LRP1B: variants seen among roughly 807,000 people sequenced by gnomAD.
LRP1B encodes low-density lipoprotein receptor-related protein 1B.
LRP1B carries 217 observed loss-of-function variants against 556.6 expected under a neutral mutation model. The observed-to-expected ratio is 0.39, with a 90% CI of 0.35 to 0.44. LRP1B has a LOEUF of 0.44. LRP1B is among the 20% of genes least tolerant of loss of function. LRP1B has a pLI of 1.00. For synonymous variants in LRP1B, 2,047 were observed against 1,865.8 expected, an observed-to-expected ratio of 1.10 and a Z score of -2.50; for missense variants, 5,053 against 5,620.8, an observed-to-expected ratio of 0.90 and a Z score of 3.23.
At chr2:141,796,578 CTTTT>C (rs75317117) in intron 2 of LRP1B, among the ~76,000 whole-genome samples, 5 of 127,570 alleles carry the variant, frequency 3.9e-5, no homozygotes, top group East Asian at 4.7e-4. Context: ...GCATTTTATT[CTTTT>C]TTTTTTTTTT....
chr2:141,595,437 A>G (rs1278935315), intron 2 of LRP1B, among the ~76,000 whole-genome samples: 1 of 152,132 alleles, frequency 6.6e-6, no homozygotes, highest in Non-Finnish European at 1.5e-5. Flanking sequence ...AGCCTCTTAT[A>G]TCAGACATTT....
intron 5 of LRP1B, among the ~76,000 whole-genome samples, chr2:141,231,286 C>A (rs1237264598): frequency 6.6e-6 from 1 of 152,196 alleles, no homozygotes; most frequent in African/African-American, 2.4e-5. Context: ...ATATCAGGCA[C>A]CTGTGTTTGT....
intron 2 of LRP1B, among the ~76,000 whole-genome samples, chr2:141,560,932 A>T (rs1686126798): frequency 6.6e-6 from 1 of 151,550 alleles, no homozygotes; most frequent in Non-Finnish European, 1.5e-5. Flanking sequence ...CAAGATTCCT[A>T]TTTACTTTTC....
At chr2:140,675,361 C>T (rs1335380066) in intron 41 of LRP1B, among the ~76,000 whole-genome samples, 1 of 152,104 alleles carries the variant, frequency 6.6e-6, no homozygotes, top group Non-Finnish European at 1.5e-5. Flanking sequence ...ACCCATTTGC[C>T]AAACATGCAT....
rs567680123 is a variant in LRP1B at position 141,861,077 on chromosome 2, A to C, written c.83-50676T>G. ...AATGTATACGATAAATTTTAAAATA[A>C]ATTTTTACTTTTAAAGTTCTAGAGT... On this transcript the variant is annotated intron_variant, in intron 1 of 90. Coordinates refer to ENST00000389484, the MANE Select transcript of LRP1B (RefSeq NM_018557.3). Among the ~76,000 whole-genome samples the C allele has an allele frequency of 3.3e-5, 5 of 152,344 alleles. 1 individual carries two copies. The highest frequency in any genetic ancestry group is 1.2e-4 in the African/African-American group (5 of 41,596).
chr2:141,171,868 T>C (rs1467955114), intron 7 of LRP1B, among the ~76,000 whole-genome samples: 1 of 152,130 alleles, frequency 6.6e-6, no homozygotes, highest in Non-Finnish European at 1.5e-5. Flanking sequence ...CTCTGGATAA[T>C]GATTGGTCTA....
intron 1 of LRP1B, among the ~76,000 whole-genome samples, chr2:141,930,451 G>T (rs892308382): frequency 1.3e-5 from 2 of 151,856 alleles, no homozygotes; most frequent in Admixed American, 1.3e-4. Context: ...TTACTCCTTG[G>T]GGACTTCAAA....
chr2:141,450,036 T>A (rs1292793677), intron 3 of LRP1B, among the ~76,000 whole-genome samples: 1 of 151,956 alleles, frequency 6.6e-6, no homozygotes, highest in Non-Finnish European at 1.5e-5. Flanking sequence ...AACAACTATA[T>A]CCATATGCAA....
At chr2:141,282,326 A>AT (rs1300960527) in intron 3 of LRP1B, among the ~76,000 whole-genome samples, 1 of 152,064 alleles carries the variant, frequency 6.6e-6, no homozygotes, top group Non-Finnish European at 1.5e-5. Flanking sequence ...AATCTGGACA[A>AT]TAGATAATGA....
chr2:141,061,933 G>A (rs1047260456), intron 8 of LRP1B, 118 bp downstream of exon 8: 5 of 754,742 alleles, frequency 6.6e-6, no homozygotes, highest in African/African-American at 3.5e-5. Context: ...GAAATATACT[G>A]TAATTTTTAT....
rs112849608 is a variant in LRP1B at position 141,530,026 on chromosome 2, T to C, written c.206-49493A>G. 7.3e-4 allele frequency among the ~76,000 whole-genome samples: 111 copies of C among 152,266 alleles called. 1 individual carries two copies. Among genetic ancestry groups the C allele is most frequent in the African/African-American group, 2.6e-3 (107 of 41,570 alleles). ...CTATCACTGAATAAAAGGGAGTTATTGTGAACGATTAAGGTGAAATCTCAT... is the reference window on the plus strand; with the variant it reads ...CTATCACTGAATAAAAGGGAGTTATCGTGAACGATTAAGGTGAAATCTCAT... On this transcript the variant is annotated intron_variant, in intron 2 of 90. Coordinates refer to ENST00000389484, the MANE Select transcript of LRP1B (RefSeq NM_018557.3).
chr2:141,222,581 G>C (rs150231880), intron 6 of LRP1B, among the ~76,000 whole-genome samples: 1 of 152,186 alleles, frequency 6.6e-6, no homozygotes, highest in African/African-American at 2.4e-5. Context: ...TACAAAAAAA[G>C]GAAACTTTAG....
At chr2:141,250,469 A>T (rs1684219706) in intron 4 of LRP1B, among the ~76,000 whole-genome samples, 1 of 152,210 alleles carries the variant, frequency 6.6e-6, no homozygotes, top group African/African-American at 2.4e-5. Flanking sequence ...TAAGGTGCCT[A>T]GAGAGGGCAT....
intron 32 of LRP1B, among the ~76,000 whole-genome samples, chr2:140,795,362 A>T (rs1456606290): frequency 6.6e-6 from 1 of 152,174 alleles, no homozygotes; most frequent in Non-Finnish European, 1.5e-5. Context: ...ACGAACAATA[A>T]CACCCACAAT....
chr2:142,010,818 T>A (rs1195756625), intron 1 of LRP1B, among the ~76,000 whole-genome samples: 1 of 152,048 alleles, frequency 6.6e-6, no homozygotes, highest in Non-Finnish European at 1.5e-5. Flanking sequence ...CCCAACTTCT[T>A]ATGCAGGGAA....
intron 84 of LRP1B, among the ~76,000 whole-genome samples, chr2:140,295,251 T>G (rs1480538230): frequency 1.3e-5 from 2 of 152,166 alleles, no homozygotes; most frequent in African/African-American, 4.8e-5. Flanking sequence ...TTCTGGCCTG[T>G]GATGCACATC....
chr2:141,654,454 C>T (rs1689924096), intron 2 of LRP1B, among the ~76,000 whole-genome samples: 1 of 152,138 alleles, frequency 6.6e-6, no homozygotes, highest in Non-Finnish European at 1.5e-5. Context: ...TGGGAAGACA[C>T]TGTGAACAGG....
At chr2:140,710,179 T>C (rs916232033) in intron 37 of LRP1B, among the ~76,000 whole-genome samples, 3 of 152,064 alleles carry the variant, frequency 2.0e-5, no homozygotes, top group African/African-American at 7.2e-5. Flanking sequence ...ACTGAGATCC[T>C]CCTGCTGAGT....
At chr2:141,237,883 C>T (rs976184070) in intron 5 of LRP1B, among the ~76,000 whole-genome samples, 2 of 152,056 alleles carry the variant, frequency 1.3e-5, no homozygotes, top group Admixed American at 6.6e-5. Context: ...TTACTTAGCA[C>T]GTGGCAAGTG....
Sources: gnomAD v4.1 joint callset for allele counts (sites outside exome capture counted in the v4.1 genomes callset) on GRCh38, gnomAD v4.1.1 for gene constraint, MANE v1.5 for transcripts, NCBI Gene and HGNC (gene_info 2026-07-23, HGNC 2026-07-21) for gene names.